The following DDAH1 variants were observed in gnomAD, a reference collection of about 807,000 sequenced individuals.
DDAH1 encodes N(G),N(G)-dimethylarginine dimethylaminohydrolase 1.
A neutral mutation model predicts 28.8 loss-of-function variants in DDAH1; 19 were observed. The observed-to-expected ratio is 0.66, with a 90% CI of 0.46 to 0.97. The LOEUF (loss-of-function observed/expected upper bound fraction) is 0.97, where lower values mean the gene tolerates loss of function less well. Ranked by LOEUF, DDAH1 falls within the 50% of genes least tolerant of loss-of-function variation. The pLI is 0.00. For missense variants in DDAH1, 326 were observed against 375.9 expected (o/e 0.87, Z 1.10); for synonymous variants, 153 against 154.4 (o/e 0.99, Z 0.07).
rs779581650 is a variant in DDAH1, at chr1:85,481,091, G to GTTT, written c.-7+15072_-7+15074dup. On this transcript the variant is annotated intron_variant, in intron 2 of 6. Coordinates refer to the DDAH1 transcript ENST00000426972. ...AAAATAATAAAAATCATTTCTTTGG[G>GTTT]TTTTTTGTTTTTTTTTTTTTTTTTG... 3.1e-3 allele frequency among the ~76,000 whole-genome samples: 282 copies of GTTT among 91,852 alleles called. 2 individuals carry two copies. The highest frequency in any genetic ancestry group is 6.6e-3 in the African/African-American group (142 of 21,562). 60.3% of individuals were successfully genotyped at this position (91,852 alleles called of 152,430 possible). A position where few individuals can be genotyped will look rare whatever the true frequency, so the allele number is the denominator to read the frequency against.
intron 1 of DDAH1, among the ~76,000 whole-genome samples, chr1:85,384,907 T>C (rs2100915566): frequency 6.6e-6 from 1 of 152,326 alleles, no homozygotes; most frequent in East Asian, 1.9e-4. Context: ...AGGATTTATT[T>C]ACATGTTACT....
intron 1 of DDAH1, among the ~76,000 whole-genome samples, chr1:85,547,116 C>T (rs1228560833): frequency 6.6e-6 from 1 of 152,086 alleles, no homozygotes; most frequent in African/African-American, 2.4e-5. Flanking sequence ...GTGAAAGAGG[C>T]CGGAGTGGAG....
upstream of DDAH1, among the ~76,000 whole-genome samples, chr1:85,466,736 T>C (rs604421): frequency 0.98 from 149,885 of 152,220 alleles, 73,846 homozygotes; most frequent in East Asian, 1. Context: ...ATGGAGGATT[T>C]CCATCAAAGT....
intron 1 of DDAH1, 110 bp from the exon 2 acceptor site, chr1:85,358,957 A>G: frequency 1.5e-6 from 1 of 688,700 alleles, no homozygotes. Context: ...ACCCACACAC[A>G]TCCACACTCA....
intron 1 of DDAH1, among the ~76,000 whole-genome samples, chr1:85,367,999 G>A (rs1650164381): frequency 1.3e-5 from 2 of 152,196 alleles, no homozygotes; most frequent in Admixed American, 1.3e-4. Flanking sequence ...TATCCAAAGA[G>A]TCAGTAATAA....
At chr1:85,473,592 G>A (rs10782551) in intron 2 of DDAH1, among the ~76,000 whole-genome samples, 12,101 of 151,700 alleles carry the variant, frequency 0.08, 562 homozygotes, top group East Asian at 0.23. Context: ...TGCCAGTTTC[G>A]CAATGCCAGG....
At chr1:85,470,992 C>T (rs1176103541) in intron 2 of DDAH1, among the ~76,000 whole-genome samples, 2 of 152,184 alleles carry the variant, frequency 1.3e-5, no homozygotes, top group Non-Finnish European at 2.9e-5. Context: ...TACCCAAGAC[C>T]CGTGTTTCAC....
At chr1:85,402,632 C>T (rs150204147) in intron 1 of DDAH1, among the ~76,000 whole-genome samples, 20 of 152,138 alleles carry the variant, frequency 1.3e-4, no homozygotes, top group African/African-American at 4.8e-4. Context: ...ATCTTCTGGC[C>T]GGACGCGGTG....
At chr1:85,475,261 C>T (rs566492202) in intron 2 of DDAH1, among the ~76,000 whole-genome samples, 95 of 152,294 alleles carry the variant, frequency 6.2e-4, no homozygotes, top group Non-Finnish European at 3.7e-4. Context: ...CCATGTAAAG[C>T]TTTGCAGCAT....
At chr1:85,516,901 C>T (rs1657495195) in intron 1 of DDAH1, among the ~76,000 whole-genome samples, 1 of 152,154 alleles carries the variant, frequency 6.6e-6, no homozygotes, top group African/African-American at 2.4e-5. Flanking sequence ...GGAAGCATTG[C>T]TTACAAATAA....
intron 2 of DDAH1, chr1:85,494,679 C>A (rs908327314): frequency 8.5e-5 from 13 of 152,246 alleles, no homozygotes; most frequent in Non-Finnish European, 1.6e-4. Context: ...AGTGAACGCT[C>A]TAGGGAATGG....
intron 2 of DDAH1, among the ~76,000 whole-genome samples, chr1:85,474,867 A>C (rs1655740573): frequency 6.6e-6 from 1 of 152,140 alleles, no homozygotes; most frequent in South Asian, 2.1e-4. Context: ...CCCAATGCTT[A>C]TAAATTGCTA....
rs775724922 is a variant in DDAH1 at position 85,407,453 on chromosome 1, C to T, written c.304-48606G>A. On this transcript the variant is annotated intron_variant, in intron 1 of 5. Transcript: ENST00000284031. The stretch of plus-strand genomic sequence containing the variant: ...GACCTCTTTTAAAACTCTATCAGAG[C>T]GGAAAGTTAAACTTGCAGCTTTCCA... Among the ~76,000 whole-genome samples, 51 of 152,124 alleles carry T rather than the reference C, an allele frequency of 3.4e-4. 1 individual carries two copies. Among genetic ancestry groups the T allele is most frequent in the Admixed American group, 2.6e-3 (40 of 15,284 alleles).
upstream of DDAH1, among the ~76,000 whole-genome samples, chr1:85,469,316 G>C (rs980207736): frequency 9.8e-5 from 15 of 152,334 alleles, no homozygotes; most frequent in Admixed American, 6.5e-5. Context: ...GAGGCATATG[G>C]TGTGGAAATT....
chr1:85,414,141 A>G (rs1652780311), intron 1 of DDAH1, among the ~76,000 whole-genome samples: 1 of 152,238 alleles, frequency 6.6e-6, no homozygotes, highest in Admixed American at 6.5e-5. Context: ...AGAGACAAAT[A>G]GAACAATAAA....
chr1:85,401,222 T>C (rs987983555), intron 1 of DDAH1, among the ~76,000 whole-genome samples: 7 of 152,218 alleles, frequency 4.6e-5, no homozygotes, highest in African/African-American at 1.7e-4. Flanking sequence ...TCGATCCTTT[T>C]TTCCAACAGG....
intron 1 of DDAH1, chr1:85,379,590 GAA>G: frequency 1.0e-6 from 1 of 985,124 alleles, no homozygotes; most frequent in Non-Finnish European, 1.2e-6. Flanking sequence ...CATAACTTGT[GAA>G]AGAGTCAGCC....
chr1:85,437,387 ATCT>A (rs1164054243), intron 1 of DDAH1, among the ~76,000 whole-genome samples: 2 of 152,064 alleles, frequency 1.3e-5, no homozygotes, highest in Non-Finnish European at 2.9e-5. Context: ...TTATATGCAG[ATCT>A]TCTTCTGCTT....
chr1:85,506,930 A>G (rs1657038821), intron 1 of DDAH1, among the ~76,000 whole-genome samples: 1 of 152,206 alleles, frequency 6.6e-6, no homozygotes, highest in Admixed American at 6.5e-5. Context: ...GAGAGTGACC[A>G]CGGGGATAGA....
Sources: gnomAD v4.1 joint callset for allele counts (sites outside exome capture counted in the v4.1 genomes callset) on GRCh38, gnomAD v4.1.1 for gene constraint, MANE v1.5 for transcripts, NCBI Gene and HGNC (gene_info 2026-07-23, HGNC 2026-07-21) for gene names.